ZCCHC2: variants seen among roughly 807,000 people sequenced by gnomAD.
ZCCHC2 encodes the protein zinc finger CCHC-type containing 2, also known as zinc finger CCHC domain-containing protein 2.
A neutral mutation model predicts 103.6 loss-of-function variants in ZCCHC2; 39 were observed. That is an observed-to-expected ratio of 0.38 (90% CI 0.29 to 0.49). The LOEUF is 0.49. ZCCHC2 is among the 20% of genes least tolerant of loss of function. The pLI, the probability that ZCCHC2 is intolerant of heterozygous loss-of-function variation, is 0.96. For synonymous variants in ZCCHC2, 687 were observed against 608.9 expected, an observed-to-expected ratio of 1.13 and a Z score of -1.89; for missense variants, 1,483 against 1,491.0, an observed-to-expected ratio of 0.99 and a Z score of 0.09.
Position 62,574,126 on chromosome 18 carries a change from A to G in ZCCHC2, c.2045A>G (p.Asn682Ser), listed in dbSNP as rs916109457. 2 of 1,613,966 alleles carry G rather than the reference A, an allele frequency of 1.2e-6. No individual in the cohort carries two copies. Among genetic ancestry groups the G allele is most frequent in the Non-Finnish European group, 1.7e-6 (2 of 1,179,908 alleles). ...TTRFTGYGSV[N>S]QTVTVKPPVQ... Reference sequence around the variant, plus strand: ...AGGTTTACAGGTTACGGTTCTGTCAACCAGACTGTCACTGTCAAGCCACCT... The same window carrying G: ...AGGTTTACAGGTTACGGTTCTGTCAGCCAGACTGTCACTGTCAAGCCACCT... Residue 682 changes from asparagine to serine, a missense_variant, in exon 13 of 14, where the codon AAC becomes AGC. Asn to Ser is a conservative substitution (Grantham distance 46). This residue lies in a region of ZCCHC2 where 884 missense variants were observed against 907.5 expected (regional missense o/e 0.97). Coordinates refer to ENST00000269499, the MANE Select transcript of ZCCHC2 (RefSeq NM_017742.6).
intron 11 of ZCCHC2, among the ~76,000 whole-genome samples, chr18:62,569,297 A>G (rs189143109): frequency 6.6e-5 from 10 of 152,304 alleles, no homozygotes; most frequent in African/African-American, 2.4e-4. Context: ...TGCCCGTGCA[A>G]TTAATACCCA....
intron 1 of ZCCHC2, among the ~76,000 whole-genome samples, chr18:62,535,147 C>CAGATGTGGGCTGGGGAGG (rs1368386824): frequency 2.6e-5 from 4 of 152,208 alleles, no homozygotes; most frequent in Non-Finnish European, 4.4e-5. Context: ...AAGGCAGAGT[C>CAGATGTGGGCTGGGGAGG]AGATGTGGGC....
intron 2 of ZCCHC2, among the ~76,000 whole-genome samples, chr18:62,540,731 TA>T (rs889753810): frequency 1.3e-5 from 2 of 152,228 alleles, no homozygotes; most frequent in African/African-American, 2.4e-5. Context: ...TGCTGACAAT[TA>T]ACTGTAAAGG....
rs1007896685 is a variant in ZCCHC2 at position 62,578,388 on chromosome 18, G to C, written c.*1809G>C. On this transcript the variant is annotated 3_prime_UTR_variant, in exon 14 of 14. Transcript: ENST00000269499. ...AATCACTTGCCAGTTGTACTTTATG[G>C]AGCTTATTTTATGATTTAAAATACT... 1 of 152,554 alleles carries C rather than the reference G, an allele frequency of 6.6e-6. No individual in the cohort carries two copies. The highest frequency in any genetic ancestry group is 1.5e-5 in the Non-Finnish European group (1 of 68,018). 9.5% of individuals were successfully genotyped at this position (152,554 alleles called of 1,614,324 possible).
chr18:62,548,952 G>C (rs1436845149), intron 4 of ZCCHC2, among the ~76,000 whole-genome samples: 2 of 151,892 alleles, frequency 1.3e-5, no homozygotes, highest in Admixed American at 6.5e-5. Flanking sequence ...AGGCGTGGTG[G>C]CTCACGCCTG....
chr18:62,524,050 G>T lies in ZCCHC2; in HGVS notation c.626G>T (p.Arg209Leu). The stretch of plus-strand genomic sequence containing the variant: ...GTGCTCAAAAGCCTGCGCGCGGCCC[G>T]GGGCGAGGGCTCGCGGGGCGGCGCG... Reference protein sequence around the residue: ...DSVLKSLRAARGEGSRGGAED... With the variant: ...DSVLKSLRAALGEGSRGGAED... The change falls in exon 1 of 14, where the codon CGG becomes CTG. Residue 209 changes from arginine to leucine, a missense_variant. Coordinates refer to ENST00000269499, the MANE Select transcript of ZCCHC2 (RefSeq NM_017742.6). 1 of 1,468,668 alleles carries T rather than the reference G, an allele frequency of 6.8e-7. No homozygotes were observed. Among genetic ancestry groups the T allele is most frequent in the Non-Finnish European group, 8.9e-7 (1 of 1,122,102 alleles). 91.0% of individuals were successfully genotyped at this position (1,468,668 alleles called of 1,614,324 possible).
At chr18:62,581,780 G>C (rs1396632283), downstream of ZCCHC2, 1 of 43,154 alleles carries the variant, frequency 2.3e-5, no homozygotes. Context: ...CCCCTCCCGA[G>C]ATGGTGTCAC....
intron 4 of ZCCHC2, among the ~76,000 whole-genome samples, chr18:62,546,965 T>C (rs936125164): frequency 1.3e-5 from 2 of 152,210 alleles, no homozygotes; most frequent in Admixed American, 1.3e-4. Flanking sequence ...CTGCCTATTG[T>C]ATGATACTTT....
At chr18:62,563,266 A>G (rs1462383096) in intron 9 of ZCCHC2, 122 bp downstream of exon 9, 1 of 1,213,162 alleles carries the variant, frequency 8.2e-7, no homozygotes, top group Non-Finnish European at 1.1e-6. Flanking sequence ...GGAATGTTTA[A>G]GTTTTAGACT....
chr18:62,543,310 A>G (rs532986543), intron 3 of ZCCHC2, among the ~76,000 whole-genome samples: 3 of 152,156 alleles, frequency 2.0e-5, no homozygotes, highest in South Asian at 4.2e-4. Context: ...TCCTTCATCC[A>G]TGATACTCTG....
intron 3 of ZCCHC2, 101 bp downstream of exon 3, chr18:62,542,675 G>A: frequency 9.9e-7 from 1 of 1,012,992 alleles, no homozygotes; most frequent in Non-Finnish European, 1.5e-6. Flanking sequence ...AGGTATATAT[G>A]TTTGTTTTTA....
chr18:62,526,874 C>G (rs540892668), intron 1 of ZCCHC2: 4 of 152,106 alleles, frequency 2.6e-5, no homozygotes, highest in East Asian at 3.9e-4. Context: ...CCCTTTTGGC[C>G]TCTTCCCGCG....
intron 13 of ZCCHC2, 102 bp downstream of exon 13, chr18:62,575,652 G>A (rs1916813109): frequency 1.4e-6 from 2 of 1,390,656 alleles, no homozygotes; most frequent in Admixed American, 5.0e-5. Flanking sequence ...AGATCTGTTT[G>A]TGTTTTCGTT....
At chr18:62,586,678 A>C (rs1326174718) in exon 15 of ZCCHC2, 1 of 152,126 alleles carries the variant, frequency 6.6e-6, no homozygotes, top group Admixed American at 6.6e-5. Context: ...CGTGAAAAAT[A>C]CATGAAATTC....
At chr18:62,542,455 T>C (rs759910988) in intron 2 of ZCCHC2, 43 bp from the exon 3 acceptor site, 259 of 1,499,396 alleles carry the variant, frequency 1.7e-4, no homozygotes, top group Non-Finnish European at 2.2e-4. Context: ...AATGTGTCTA[T>C]AGTCTTTGTA....
At chr18:62,559,948 C>G (rs1045841860) in intron 7 of ZCCHC2, among the ~76,000 whole-genome samples, 5 of 152,090 alleles carry the variant, frequency 3.3e-5, no homozygotes, top group African/African-American at 1.2e-4. Flanking sequence ...TATAAGTAAT[C>G]TAGAGATGAT....
rs1916937989 is a variant in ZCCHC2, at chr18:62,578,251, T to C, written c.*1672T>C. On this transcript the variant is annotated 3_prime_UTR_variant, in exon 14 of 14. Transcript: ENST00000269499. ...AGTAAAGGAAATTATTTTGATTAAA[T>C]ATATTTTATTTGATCTGGGTATTTT... The C allele has an allele frequency of 6.6e-6, 1 of 152,634 alleles. No homozygotes were observed. The highest frequency in any genetic ancestry group is 2.1e-4 in the South Asian group (1 of 4,828). The allele number at this position is 152,634 out of a possible 1,614,324, so 9.5% of individuals were successfully genotyped here.
chr18:62,525,475 A>AT (rs1446555799), intron 1 of ZCCHC2: 3 of 151,724 alleles, frequency 2.0e-5, no homozygotes, highest in Non-Finnish European at 4.4e-5. Context: ...GGAAAAGGGG[A>AT]TTTTCTCCTC....
At chr18:62,528,206 A>G (rs1914520515) in intron 1 of ZCCHC2, among the ~76,000 whole-genome samples, 1 of 152,254 alleles carries the variant, frequency 6.6e-6, no homozygotes, top group African/African-American at 2.4e-5. Flanking sequence ...TCTTTGTGTT[A>G]TTTGAACTCA....
Sources: gnomAD v4.1 joint callset for allele counts (sites outside exome capture counted in the v4.1 genomes callset) on GRCh38, gnomAD v4.1.1 for gene constraint, gnomAD v4.1.1 regional missense constraint, MANE v1.5 for transcripts, NCBI Gene and HGNC (gene_info 2026-07-23, HGNC 2026-07-21) for gene names.